Variants in LHFPL6 observed in about 807,000 individuals in gnomAD.
LHFPL6 encodes the protein LHFPL tetraspan subfamily member 6.
A neutral mutation model predicts 20.6 loss-of-function variants in LHFPL6; 9 were observed. The ratio of observed to expected loss-of-function variants is 0.44; its 90% CI spans 0.26 to 0.76. LHFPL6 has a LOEUF of 0.76. LHFPL6 is among the 30% of genes least tolerant of loss of function. The pLI, the probability that LHFPL6 is intolerant of heterozygous loss-of-function variation, is 0.20. For missense variants in LHFPL6, 218 were observed against 253.5 expected, an observed-to-expected ratio of 0.86 and a Z score of 0.95; for synonymous variants, 105 against 98.7, an observed-to-expected ratio of 1.06 and a Z score of -0.38.
At chr13:39,559,195 C>T (rs572419501) in intron 2 of LHFPL6, among the ~76,000 whole-genome samples, 11 of 152,328 alleles carry the variant, frequency 7.2e-5, no homozygotes, top group African/African-American at 2.6e-4. Context: ...AGTGCCTCTC[C>T]TCCAGGGACA....
intron 2 of LHFPL6, among the ~76,000 whole-genome samples, chr13:39,528,495 T>A (rs1013654538): frequency 6.6e-6 from 1 of 152,184 alleles, no homozygotes. Flanking sequence ...AGTGCCAAGC[T>A]GTAGGGCATC....
intron 2 of LHFPL6, among the ~76,000 whole-genome samples, chr13:39,481,857 T>G (rs762595629): frequency 3.9e-5 from 6 of 151,972 alleles, no homozygotes; most frequent in Non-Finnish European, 7.4e-5. Context: ...GAAGTGAAGT[T>G]TGAGGGAAGA....
intron 2 of LHFPL6, among the ~76,000 whole-genome samples, chr13:39,482,434 C>A (rs1328048182): frequency 3.8e-5 from 3 of 79,000 alleles, no homozygotes; most frequent in African/African-American, 4.5e-5. Context: ...TAGAGCAAGA[C>A]CTTATCTTAA....
At chr13:39,489,260 C>T (rs1005485606) in intron 2 of LHFPL6, among the ~76,000 whole-genome samples, 8 of 152,122 alleles carry the variant, frequency 5.3e-5, no homozygotes, top group Admixed American at 2.0e-4. Flanking sequence ...AATTGTTTTG[C>T]ACAGCTGATA....
At chr13:39,572,288 C>CTGTGTG (rs3222813) in intron 2 of LHFPL6, among the ~76,000 whole-genome samples, 2,884 of 143,444 alleles carry the variant, frequency 0.02, 28 homozygotes, top group African/African-American at 0.025. Context: ...TTTTTAAACT[C>CTGTGTG]TGTGTGTGTG....
At chr13:39,477,346 T>C (rs1162366049) in intron 2 of LHFPL6, among the ~76,000 whole-genome samples, 3 of 152,224 alleles carry the variant, frequency 2.0e-5, no homozygotes, top group Non-Finnish European at 4.4e-5. Context: ...AATCTCTGTG[T>C]AAGTTTCTTG....
intron 2 of LHFPL6, among the ~76,000 whole-genome samples, chr13:39,383,278 T>G (rs1300733075): frequency 6.6e-6 from 1 of 152,190 alleles, no homozygotes; most frequent in East Asian, 1.9e-4. Context: ...AGGGAAACTT[T>G]AGGTCAGATC....
At chr13:39,484,143 T>A (rs773959639) in intron 2 of LHFPL6, among the ~76,000 whole-genome samples, 1 of 152,146 alleles carries the variant, frequency 6.6e-6, no homozygotes, top group Non-Finnish European at 1.5e-5. Context: ...TTTTCCCCAA[T>A]CCTATCTTCT....
intron 2 of LHFPL6, among the ~76,000 whole-genome samples, chr13:39,480,307 T>C (rs1010489554): frequency 2.6e-5 from 4 of 152,198 alleles, no homozygotes; most frequent in Non-Finnish European, 2.9e-5. Flanking sequence ...AACAAGATAG[T>C]TGAATTTGAA....
intron 2 of LHFPL6, among the ~76,000 whole-genome samples, chr13:39,452,992 T>A (rs879782847): frequency 1.6e-4 from 25 of 152,066 alleles, no homozygotes; most frequent in Middle Eastern, 3.2e-3. Context: ...TGGAATAAAC[T>A]GAGATGCCAG....
At chr13:39,482,442 T>TTA (rs1555264343) in intron 2 of LHFPL6, among the ~76,000 whole-genome samples, 3 of 147,232 alleles carry the variant, frequency 2.0e-5, no homozygotes, top group African/African-American at 5.0e-5. Context: ...GACCTTATCT[T>TTA]AAAAAAAAAA....
At chr13:39,444,732 C>A (rs1419913970) in intron 2 of LHFPL6, among the ~76,000 whole-genome samples, 1 of 152,204 alleles carries the variant, frequency 6.6e-6, no homozygotes, top group Non-Finnish European at 1.5e-5. Flanking sequence ...GCCATGGCAG[C>A]CTCCATCTAG....
chr13:39,365,799 T>C (rs974564798), intron 3 of LHFPL6, among the ~76,000 whole-genome samples: 8 of 152,170 alleles, frequency 5.3e-5, no homozygotes, highest in African/African-American at 1.9e-4. Flanking sequence ...TCTGTTCTCT[T>C]TGGCAACAAA....
At chr13:39,371,518 G>A (rs980722263) in intron 3 of LHFPL6, among the ~76,000 whole-genome samples, 3 of 152,164 alleles carry the variant, frequency 2.0e-5, no homozygotes, top group Admixed American at 6.5e-5. Flanking sequence ...GCCAGATGCT[G>A]TGACACTATG....
chr13:39,377,488 A>G (rs955127958), intron 3 of LHFPL6, among the ~76,000 whole-genome samples: 3 of 152,200 alleles, frequency 2.0e-5, no homozygotes, highest in Non-Finnish European at 2.9e-5. Flanking sequence ...TAGGAAAAGC[A>G]CTTATATTCA....
intron 2 of LHFPL6, among the ~76,000 whole-genome samples, chr13:39,496,896 C>G (rs1869119783): frequency 6.6e-6 from 1 of 152,128 alleles, no homozygotes; most frequent in Admixed American, 6.5e-5. Flanking sequence ...GGAGAGATGA[C>G]CACAGTATTG....
rs371708571 is a variant in LHFPL6 at position 39,427,579 on chromosome 13, AT to A, written c.386-49054del. Among the ~76,000 whole-genome samples the A allele has an allele frequency of 2.2e-3, 339 of 152,058 alleles. 6 individuals are homozygous for A. In the South Asian group the frequency reaches 0.037, roughly 17 times the overall value. ...TCTAAAAACACTGTCATTTAAATTGATTTTTTTTCAATGTTAAATGAGCCCT... is the reference window on the plus strand; with the variant it reads ...TCTAAAAACACTGTCATTTAAATTGATTTTTTTCAATGTTAAATGAGCCCT... On this transcript the variant is annotated intron_variant, in intron 2 of 3. Transcript: ENST00000379589.
At chr13:39,588,061 G>A (rs1044896674) in intron 2 of LHFPL6, among the ~76,000 whole-genome samples, 1 of 152,090 alleles carries the variant, frequency 6.6e-6, no homozygotes, top group Non-Finnish European at 1.5e-5. Flanking sequence ...GTGATTTACA[G>A]CCAAGCAGGG....
At chr13:39,347,954 TATTA>T (rs1254475962) in intron 3 of LHFPL6, among the ~76,000 whole-genome samples, 2 of 152,216 alleles carry the variant, frequency 1.3e-5, no homozygotes, top group Admixed American at 6.5e-5. Flanking sequence ...TATAATTCTT[TATTA>T]ATTATTTGGC....
Sources: gnomAD v4.1 joint callset for allele counts (sites outside exome capture counted in the v4.1 genomes callset) on GRCh38, gnomAD v4.1.1 for gene constraint, MANE v1.5 for transcripts, NCBI Gene and HGNC (gene_info 2026-07-23, HGNC 2026-07-21) for gene names.